TBC1D22B: variants seen among roughly 807,000 people sequenced by gnomAD.
TBC1D22B encodes chromosome 6 open reading frame 197.
A neutral mutation model predicts 69.1 loss-of-function variants in TBC1D22B; 32 were observed. That is an observed-to-expected ratio of 0.46 (90% CI 0.35 to 0.62). The LOEUF (loss-of-function observed/expected upper bound fraction) is 0.62, where lower values mean the gene tolerates loss of function less well. Ranked by LOEUF, TBC1D22B falls within the 20% of genes least tolerant of loss-of-function variation. TBC1D22B has a pLI of 0.00. For synonymous variants in TBC1D22B, 206 were observed against 229.8 expected, an observed-to-expected ratio of 0.90 and a Z score of 0.94; for missense variants, 462 against 630.9, an observed-to-expected ratio of 0.73 and a Z score of 2.87.
At chr6:37,298,539 G>GTTTTTTTTTTTTTTTTT (rs34996865) in intron 8 of TBC1D22B, among the ~76,000 whole-genome samples, 21 of 71,256 alleles carry the variant, frequency 2.9e-4, no homozygotes, top group African/African-American at 1.0e-3. Context: ...GTTGCCTACA[G>GTTTTTTTTTTTTTTTTT]TTTTTTTTTT....
Position 37,270,824 on chromosome 6 carries a change from T to C in TBC1D22B, c.113+1174T>C, listed in dbSNP as rs532497245. Among the ~76,000 whole-genome samples the C allele has an allele frequency of 1.2e-4, 19 of 152,322 alleles. No individual in the cohort carries two copies. The South Asian group carries it at 3.9e-3, about 32-fold the overall frequency. On this transcript the variant is annotated intron_variant, in intron 2 of 12. Coordinates refer to ENST00000373491, the MANE Select transcript of TBC1D22B (RefSeq NM_017772.4). Reference sequence around the variant, plus strand: ...GGGGCCTGTGTATTAGTAGCTGCCCTTTCTTCCTTCACAGTCAATAGGGAA... The same window carrying C: ...GGGGCCTGTGTATTAGTAGCTGCCCCTTCTTCCTTCACAGTCAATAGGGAA...
intron 1 of TBC1D22B, among the ~76,000 whole-genome samples, chr6:37,259,747 T>C (rs1178215161): frequency 1.3e-5 from 2 of 152,184 alleles, no homozygotes; most frequent in African/African-American, 4.8e-5. Context: ...TTGGGCTCTG[T>C]TGTGTGTGTG....
chr6:37,281,924 G>A (rs755294914), intron 3 of TBC1D22B, among the ~76,000 whole-genome samples: 28 of 152,108 alleles, frequency 1.8e-4, no homozygotes, highest in Admixed American at 4.6e-4. Context: ...GTTCTCAAAA[G>A]TTGCTGCAGC....
chr6:37,289,969 A>G (rs1454622049), intron 7 of TBC1D22B, among the ~76,000 whole-genome samples: 1 of 152,206 alleles, frequency 6.6e-6, no homozygotes, highest in Non-Finnish European at 1.5e-5. Flanking sequence ...CTCACTACCT[A>G]TGAAGGCAGC....
Position 37,312,516 on chromosome 6 carries a change from T to C in TBC1D22B, c.983-402T>C, listed in dbSNP as rs1418688860. Among the ~76,000 whole-genome samples, 4 of 152,200 alleles carry C rather than the reference T, an allele frequency of 2.6e-5. No homozygotes were observed. In the East Asian group the frequency reaches 5.8e-4, roughly 22 times the overall value. ...CCTAGCTGTTCTCCCTATATATGAG[T>C]GTGAGTGTGCTAGACAGCTCACTGA... is the stretch of plus-strand genomic sequence containing the variant. On this transcript the variant is annotated intron_variant, in intron 8 of 12. Transcript: ENST00000373491.
At chr6:37,293,527 C>T (rs1000749026) in intron 8 of TBC1D22B, among the ~76,000 whole-genome samples, 1 of 152,184 alleles carries the variant, frequency 6.6e-6, no homozygotes, top group African/African-American at 2.4e-5. Context: ...GATTGCTCCA[C>T]CAGCTGGTCC....
intron 3 of TBC1D22B, among the ~76,000 whole-genome samples, chr6:37,281,612 C>CT (rs1184057778): frequency 1.3e-5 from 2 of 152,182 alleles, no homozygotes; most frequent in Admixed American, 1.3e-4. Flanking sequence ...GATATTGATC[C>CT]TTTTAGTCCT....
chr6:37,327,209 T>C (rs1265810351), intron 12 of TBC1D22B, among the ~76,000 whole-genome samples: 2 of 142,424 alleles, frequency 1.4e-5, no homozygotes, highest in Non-Finnish European at 3.0e-5. Flanking sequence ...CCGGGCGCGG[T>C]GGCTCGCGCC....
At position 37,331,256 on chromosome 6, in the gene TBC1D22B, C is replaced by T. The variant is rs546517615; in HGVS notation, c.*84C>T. The T allele has an allele frequency of 2.0e-5, 29 of 1,422,148 alleles. No homozygotes were observed. Among genetic ancestry groups the T allele is most frequent in the Middle Eastern group, 2.3e-4 (1 of 4,366 alleles). The allele number at this position is 1,422,148 out of a possible 1,614,324, so 88.1% of individuals were successfully genotyped here. A position where few individuals can be genotyped will look rare whatever the true frequency, so the allele number is the denominator to read the frequency against. On this transcript the variant is annotated 3_prime_UTR_variant, in exon 13 of 13. Coordinates refer to ENST00000373491, the MANE Select transcript of TBC1D22B (RefSeq NM_017772.4). ...TGGCCACTGTGCGAGCCGTGGACCC[C>T]GGCCAGGAACCACTCCTGTTGTACA...
chr6:37,284,187 C>A, intron 5 of TBC1D22B, 149 bp from the exon 6 acceptor site: 2 of 1,166,532 alleles, frequency 1.7e-6, no homozygotes, highest in Non-Finnish European at 2.4e-6. Flanking sequence ...GAGGAGAGGG[C>A]AAAAAATGGG....
At position 37,316,211 on chromosome 6, in the gene TBC1D22B, A is replaced by G. The variant is rs543850317; in HGVS notation, c.1166-492A>G. Among the ~76,000 whole-genome samples, 5 of 152,334 alleles carry G rather than the reference A, an allele frequency of 3.3e-5. 1 individual carries two copies. In the South Asian group the frequency reaches 8.3e-4, roughly 25 times the overall value. On this transcript the variant is annotated intron_variant, in intron 10 of 12. Coordinates refer to ENST00000373491, the MANE Select transcript of TBC1D22B (RefSeq NM_017772.4). ...CGCTTTCTGGTGAATCACTTCATAC[A>G]TCAGTGGAAGAGGCTTCCCTTGAGT... is the stretch of plus-strand genomic sequence containing the variant.
chr6:37,268,251 C>G (rs1047321366), intron 1 of TBC1D22B, among the ~76,000 whole-genome samples: 17 of 152,052 alleles, frequency 1.1e-4, no homozygotes, highest in African/African-American at 3.9e-4. Context: ...TCTCCCTTCT[C>G]TTTCCCTTTT....
intron 6 of TBC1D22B, among the ~76,000 whole-genome samples, chr6:37,285,633 C>T (rs148560513): frequency 6.8e-4 from 103 of 152,330 alleles, no homozygotes; most frequent in African/African-American, 1.9e-3. Flanking sequence ...GCTGGGATTA[C>T]AGGCGCACAC....
rs195753 is a variant in TBC1D22B, at chr6:37,282,336, A to G, written c.573A>G (p.Gln191=). The G allele has an allele frequency of 0.89, 1,434,568 of 1,611,538 alleles. 639,260 individuals carry two copies. Among genetic ancestry groups the G allele is most frequent in the African/African-American group, 0.98 (73,423 of 75,000 alleles). The change falls in exon 4 of 13, where the codon CAA becomes CAG. Residue 191 remains glutamine, a synonymous_variant. Transcript: ENST00000373491. ...AAACCCGCCTAGAAAAATTCCGTCA[A>G]CTTCTCTCCAGCCAGAACACTGACT... ...REKTRLEKFR[Q]LLSSQNTDLD...
At chr6:37,323,277 C>G (rs1768301752) in intron 12 of TBC1D22B, among the ~76,000 whole-genome samples, 1 of 152,194 alleles carries the variant, frequency 6.6e-6, no homozygotes, top group South Asian at 2.1e-4. Context: ...CCTGTAATCC[C>G]AGCGCTTTGG....
intron 8 of TBC1D22B, among the ~76,000 whole-genome samples, chr6:37,298,437 T>TA (rs1409666149): frequency 6.6e-6 from 1 of 152,044 alleles, no homozygotes; most frequent in Non-Finnish European, 1.5e-5. Flanking sequence ...AGCCTGAACA[T>TA]ATAGATCCAC....
At position 37,309,737 on chromosome 6, in the gene TBC1D22B, A is replaced by G. The variant is rs190716127; in HGVS notation, c.983-3181A>G. 1.2e-3 allele frequency among the ~76,000 whole-genome samples: 184 copies of G among 152,186 alleles called. 1 individual carries two copies. Among genetic ancestry groups the G allele is most frequent in the African/African-American group, 4.2e-3 (174 of 41,524 alleles). ...GAAACAGTTCCTTGGGGCATTGTTT[A>G]TGGTCATGAGAGTTGGAGGCAACCT... is the stretch of plus-strand genomic sequence containing the variant. On this transcript the variant is annotated intron_variant, in intron 8 of 12. Transcript: ENST00000373491.
At chr6:37,264,433 G>A (rs899261046) in intron 1 of TBC1D22B, among the ~76,000 whole-genome samples, 3 of 152,028 alleles carry the variant, frequency 2.0e-5, no homozygotes, top group East Asian at 1.9e-4. Flanking sequence ...GTGCCTCAGC[G>A]TCCTGAGTAG....
intron 8 of TBC1D22B, among the ~76,000 whole-genome samples, chr6:37,310,710 T>C (rs1767883525): frequency 6.6e-6 from 1 of 152,242 alleles, no homozygotes; most frequent in Non-Finnish European, 1.5e-5. Flanking sequence ...GATCTTTATA[T>C]GCTATCTAGA....
Sources: allele counts gnomAD v4.1 joint callset (sites outside exome capture counted in the v4.1 genomes callset), GRCh38; gene constraint gnomAD v4.1.1; transcripts MANE v1.5; gene names NCBI Gene and HGNC (gene_info 2026-07-23, HGNC 2026-07-21).